The following NXN variants were observed in gnomAD, a reference collection of about 807,000 sequenced individuals.
NXN encodes the protein nucleoredoxin.
NXN carries 16 observed loss-of-function variants against 48.6 expected under a neutral mutation model. The observed-to-expected ratio is 0.33, with a 90% CI of 0.22 to 0.50. NXN has a LOEUF of 0.50. Among genes scored for constraint, NXN ranks in the 20% least tolerant of loss-of-function variants. The pLI is 0.98. For missense variants in NXN, 492 were observed against 605.5 expected (o/e 0.81, Z 1.97); for synonymous variants, 281 against 269.6 (o/e 1.04, Z -0.41).
At chr17:872,173 C>T (rs1041143759) in intron 1 of NXN, among the ~76,000 whole-genome samples, 9 of 149,474 alleles carry the variant, frequency 6.0e-5, no homozygotes, top group East Asian at 3.9e-4. Flanking sequence ...ATGCTGAACC[C>T]GTGAATCAAA....
Position 799,409 on chromosome 17 carries a change from A to G in NXN, c.*1540T>C, listed in dbSNP as rs546451074. Reference sequence around the variant, plus strand: ...TCGCATTTCAGGCTGGTAACATCACATAACAAGTCTAATCGCCAACTAGTT... The same window carrying G: ...TCGCATTTCAGGCTGGTAACATCACGTAACAAGTCTAATCGCCAACTAGTT... On this transcript the variant is annotated 3_prime_UTR_variant, in exon 8 of 8. Transcript: ENST00000336868. 6.6e-6 allele frequency: 1 copy of G among 152,414 alleles called. No individual in the cohort carries two copies. The highest frequency in any genetic ancestry group is 1.9e-4 in the East Asian group (1 of 5,184). The allele number at this position is 152,414 out of a possible 1,614,324, so 9.4% of individuals were successfully genotyped here.
intron 1 of NXN, among the ~76,000 whole-genome samples, chr17:850,273 C>T (rs1431060848): frequency 6.6e-6 from 1 of 152,138 alleles, no homozygotes; most frequent in Admixed American, 6.5e-5. Context: ...GGGGAGGAGA[C>T]ACCTGCTCCT....
intron 1 of NXN, among the ~76,000 whole-genome samples, chr17:941,518 C>T (rs372199097): frequency 8.3e-3 from 562 of 67,564 alleles, no homozygotes; most frequent in African/African-American, 0.013. Flanking sequence ...CCAAACACCT[C>T]CCTGGATTTA....
At chr17:875,621 C>G (rs537860571) in intron 1 of NXN, among the ~76,000 whole-genome samples, 1 of 151,670 alleles carries the variant, frequency 6.6e-6, no homozygotes, top group East Asian at 2.0e-4. Context: ...TTTTAAGATT[C>G]TGCTCTGTTG....
At position 963,843 on chromosome 17, in the gene NXN, C is replaced by T. The variant is rs545645081; in HGVS notation, c.360+15476G>A. Among the ~76,000 whole-genome samples the T allele has an allele frequency of 1.5e-4, 22 of 150,886 alleles. No individual in the cohort carries two copies. The South Asian group carries it at 1.7e-3, about 12-fold the overall frequency. On this transcript the variant is annotated intron_variant, in intron 1 of 7. Coordinates refer to ENST00000336868, the MANE Select transcript of NXN (RefSeq NM_022463.5). ...CTGTCATCCCAGCACTTTGGGAGGC[C>T]GAGGAGGGCAGATCACGAGGTCAGG...
At chr17:811,957 T>TCG (rs1253301058) in intron 5 of NXN, among the ~76,000 whole-genome samples, 2 of 129,178 alleles carry the variant, frequency 1.5e-5, no homozygotes, top group Non-Finnish European at 3.1e-5. Context: ...AGACGGAGTC[T>TCG]CGCTCTGTCG....
intron 1 of NXN, among the ~76,000 whole-genome samples, chr17:923,685 G>A (rs771459426): frequency 6.6e-6 from 1 of 152,198 alleles, no homozygotes; most frequent in Non-Finnish European, 1.5e-5. Flanking sequence ...CAGAGTTTAC[G>A]CTCTTGTAAG....
chr17:805,365 T>C (rs776109878), intron 5 of NXN, 118 bp from the exon 6 acceptor site: 17 of 1,075,298 alleles, frequency 1.6e-5, no homozygotes, highest in Middle Eastern at 3.1e-4. Context: ...ACCGAGGACC[T>C]GGTACAGGCT....
intron 1 of NXN, among the ~76,000 whole-genome samples, chr17:883,811 G>A (rs763534251): frequency 3.9e-5 from 6 of 152,204 alleles, no homozygotes; most frequent in East Asian, 1.9e-4. Context: ...CGGTGCTTAC[G>A]CCTGTAATCC....
In NXN at chr17:917,761, C is replaced by A. The variant is rs566853742; in HGVS notation, c.360+61558G>T. Among the ~76,000 whole-genome samples, 1 of 152,018 alleles carries A rather than the reference C, an allele frequency of 6.6e-6. No individual in the cohort carries two copies. The highest frequency in any genetic ancestry group is 2.4e-5 in the African/African-American group (1 of 41,414). ...AAGGGGCGCGTACTGGCACAACAGG[C>A]GGGCGTGGCTCTCGCTCCCCAGGAA... On this transcript the variant is annotated intron_variant, in intron 1 of 7. Coordinates refer to ENST00000336868, the MANE Select transcript of NXN (RefSeq NM_022463.5). This position sits in a 1 kb window ranked among gnomAD's most constrained non-coding sequence, Gnocchi z 4.5.
chr17:898,157 G>A (rs1831833280), intron 1 of NXN, among the ~76,000 whole-genome samples: 1 of 152,070 alleles, frequency 6.6e-6, no homozygotes, highest in South Asian at 2.1e-4. Context: ...CTCAACCTCA[G>A]CACTTGGCGG....
intron 5 of NXN, 46 bp downstream of exon 5, chr17:819,393 A>G: frequency 7.3e-7 from 1 of 1,361,228 alleles, no homozygotes; most frequent in Non-Finnish European, 1.1e-6. Flanking sequence ...AGCTCAGGTG[A>G]GCAGGTTTCC....
In NXN at chr17:917,920, G is replaced by A. The variant is rs974044439; in HGVS notation, c.360+61399C>T. Among the ~76,000 whole-genome samples the A allele has an allele frequency of 9.2e-5, 14 of 152,202 alleles. No homozygotes were observed. The highest frequency in any genetic ancestry group is 3.1e-4 in the African/African-American group (13 of 41,456). Reference sequence around the variant, plus strand: ...GGTCTGTATTCAGTTTTGTTGACAAGAACCCCTAATGGATAATAATAAAAT... The same window carrying A: ...GGTCTGTATTCAGTTTTGTTGACAAAAACCCCTAATGGATAATAATAAAAT... On this transcript the variant is annotated intron_variant, in intron 1 of 7. Transcript: ENST00000336868. The surrounding 1 kb of genome is among the most constrained non-coding windows in gnomAD (Gnocchi z 4.5).
chr17:943,522 T>C (rs1422470190), intron 1 of NXN, among the ~76,000 whole-genome samples: 1 of 152,174 alleles, frequency 6.6e-6, no homozygotes, highest in Non-Finnish European at 1.5e-5. Context: ...CATATCTTTC[T>C]TCAAAAGAAT....
At chr17:868,514 C>G (rs957139311) in intron 1 of NXN, among the ~76,000 whole-genome samples, 1 of 151,758 alleles carries the variant, frequency 6.6e-6, no homozygotes, top group Non-Finnish European at 1.5e-5. Context: ...GTTTTTGAGA[C>G]GGAGTCTCGC....
chr17:891,093 G>A (rs958055), intron 1 of NXN, among the ~76,000 whole-genome samples: 128,245 of 150,218 alleles, frequency 0.85, 54,280 homozygotes, highest in Middle Eastern at 0.9. Flanking sequence ...CCATCCGTCC[G>A]TCCATCCGTC....
At chr17:858,039 TG>T (rs1333633042) in intron 1 of NXN, among the ~76,000 whole-genome samples, 9 of 151,766 alleles carry the variant, frequency 5.9e-5, no homozygotes, top group Middle Eastern at 3.4e-3. Flanking sequence ...GGCGCAATCT[TG>T]GCTCACTGCA....
chr17:909,369 G>GAAT (rs2068612522), intron 1 of NXN, among the ~76,000 whole-genome samples: 1 of 152,008 alleles, frequency 6.6e-6, no homozygotes, highest in Non-Finnish European at 1.5e-5. Flanking sequence ...CCAAATAGAG[G>GAAT]AATAGCGTTC....
At chr17:867,398 C>T (rs534814436) in intron 1 of NXN, among the ~76,000 whole-genome samples, 2 of 152,202 alleles carry the variant, frequency 1.3e-5, no homozygotes, top group South Asian at 2.1e-4. Context: ...AGCAAGTTCT[C>T]GGGGTTCTCC....
Sources: gnomAD v4.1 joint callset for allele counts (sites outside exome capture counted in the v4.1 genomes callset) on GRCh38, gnomAD v4.1.1 for gene constraint, Gnocchi (gnomAD v3.1) non-coding constraint, MANE v1.5 for transcripts, NCBI Gene and HGNC (gene_info 2026-07-23, HGNC 2026-07-21) for gene names.